The following ADPRM variants were observed in gnomAD, a reference collection of about 807,000 sequenced individuals.
The protein encoded by ADPRM is manganese-dependent ADP-ribose/CDP-alcohol diphosphatase.
A neutral mutation model predicts 27.2 loss-of-function variants in ADPRM; 17 were observed. That is an observed-to-expected ratio of 0.63 (90% confidence interval 0.43 to 0.94). The LOEUF (loss-of-function observed/expected upper bound fraction) is 0.94, where lower values mean the gene tolerates loss of function less well. ADPRM is among the 40% of genes least tolerant of loss of function. The pLI, the probability that ADPRM is intolerant of heterozygous loss-of-function variation, is 0.00. For missense variants in ADPRM, 337 were observed against 412.8 expected, an observed-to-expected ratio of 0.82 and a Z score of 1.59; for synonymous variants, 135 against 145.3, an observed-to-expected ratio of 0.93 and a Z score of 0.51.
intron 3 of ADPRM, among the ~76,000 whole-genome samples, chr17:10,708,429 C>CAAAAAAAAAAAAAAAAA (rs1206878055): frequency 9.8e-5 from 3 of 30,580 alleles, no homozygotes; most frequent in African/African-American, 5.2e-4. Flanking sequence ...AACTCCGTCT[C>CAAAAAAAAAAAAAAAAA]AAAAAAAAAA....
At position 10,699,482 on chromosome 17, in the gene ADPRM, G is replaced by A. The variant is rs2662975; in HGVS notation, c.-18+1815G>A. On this transcript the variant is annotated intron_variant, in intron 1 of 3. Coordinates refer to ENST00000379774, the MANE Select transcript of ADPRM (RefSeq NM_020233.5). ...ACCAAAGTCACCAAATGAGGTTTAT[G>A]TTTTGTTTTCCAAGTTAGATATTTT... Among the ~76,000 whole-genome samples, 1,007 of 121,456 alleles carry A rather than the reference G, an allele frequency of 8.3e-3. 22 individuals are homozygous for A. The highest frequency in any genetic ancestry group is 0.028 in the African/African-American group (947 of 33,534). 79.7% of individuals were successfully genotyped at this position (121,456 alleles called of 152,430 possible). A position where few individuals can be genotyped will look rare whatever the true frequency, so the allele number is the denominator to read the frequency against.
At chr17:10,704,814 T>C (rs1351726839) in intron 1 of ADPRM, 96 bp from the exon 2 acceptor site, 2 of 1,099,464 alleles carry the variant, frequency 1.8e-6, no homozygotes, top group African/African-American at 3.1e-5. Context: ...AGCTGCCTAA[T>C]GAATTAACCT....
At chr17:10,699,094 A>C (rs745994719) in intron 1 of ADPRM, 1 of 152,136 alleles carries the variant, frequency 6.6e-6, no homozygotes, top group Non-Finnish European at 1.5e-5. Flanking sequence ...ATATTAAATA[A>C]AATGCTATCA....
At chr17:10,707,329 G>T (rs1042286246) in intron 3 of ADPRM, among the ~76,000 whole-genome samples, 1 of 152,070 alleles carries the variant, frequency 6.6e-6, no homozygotes, top group Non-Finnish European at 1.5e-5. Flanking sequence ...AGCCAAGGTT[G>T]TGCCACTGCA....
Position 10,708,429 on chromosome 17 carries a change from C to CAAAA in ADPRM, c.718+1893_718+1896dup, listed in dbSNP as rs1206878055. Among the ~76,000 whole-genome samples, 7 of 30,568 alleles carry CAAAA rather than the reference C, an allele frequency of 2.3e-4. No homozygotes were observed. The East Asian group carries it at 2.4e-3, about 11-fold the overall frequency. 20.1% of individuals were successfully genotyped at this position (30,568 alleles called of 152,430 possible). ...GGGCAACAAGAGTGAAACTCCGTCT[C>CAAAA]AAAAAAAAAAAAAAAAAAAAACCTT... is the stretch of plus-strand genomic sequence containing the variant. On this transcript the variant is annotated intron_variant, in intron 3 of 3. Coordinates refer to ENST00000379774, the MANE Select transcript of ADPRM (RefSeq NM_020233.5).
Position 10,697,678 on chromosome 17 carries a change from C to G in ADPRM, c.-18+11C>G, listed in dbSNP as rs2074742928. 2 of 832,936 alleles carry G rather than the reference C, an allele frequency of 2.4e-6. No individual in the cohort carries two copies. Among genetic ancestry groups the G allele is most frequent in the Non-Finnish European group, 3.9e-6 (2 of 516,810 alleles). The allele number at this position is 832,936 out of a possible 1,614,324, so 51.6% of individuals were successfully genotyped here. ...AGGGGCCGGCGCACGGTAGGTAGTTCCCTGCGGCTGGAGGCGGGTCTGGCG... is the reference window on the plus strand; with the variant it reads ...AGGGGCCGGCGCACGGTAGGTAGTTGCCTGCGGCTGGAGGCGGGTCTGGCG... On this transcript the variant is annotated intron_variant, in intron 1 of 3. Transcript: ENST00000379774.
intron 1 of ADPRM, among the ~76,000 whole-genome samples, chr17:10,703,302 C>T (rs2074791256): frequency 6.6e-6 from 1 of 152,132 alleles, no homozygotes; most frequent in Non-Finnish European, 1.5e-5. Context: ...TATACACCCT[C>T]ATACATACTG....
In ADPRM at chr17:10,702,597, C is replaced by A. The variant is rs1054678767; in HGVS notation, c.-17-2313C>A. On this transcript the variant is annotated intron_variant, in intron 1 of 3. Transcript: ENST00000379774. This position sits in a 1 kb window ranked among gnomAD's most constrained non-coding sequence, Gnocchi z 4.2. ...GTTCATTTTCTCCAAAAATTGAAGC[C>A]TTAGTTTATCAGCGTTTGTAGTAGT... Among the ~76,000 whole-genome samples, 1 of 152,084 alleles carries A rather than the reference C, an allele frequency of 6.6e-6. No individual in the cohort carries two copies. Among genetic ancestry groups the A allele is most frequent in the Admixed American group, 6.5e-5 (1 of 15,284 alleles).
chr17:10,705,050 C>T lies in ADPRM; in HGVS notation c.124C>T (p.Arg42Trp), dbSNP rs151290748. The change falls in exon 2 of 4, where the codon CGG (arginine) becomes TGG (tryptophan). Residue 42 changes from arginine to tryptophan, a missense_variant. Transcript: ENST00000379774. This position sits in a 1 kb window ranked among gnomAD's most constrained non-coding sequence, Gnocchi z 5.4. ...TGGCTTTAATTTCCAAGGAACCAGG[C>T]GGCGATACTACAGACATAGTCTTCT... is the stretch of plus-strand genomic sequence containing the variant. Reference protein sequence around the residue: ...EDGFNFQGTRRRYYRHSLLHL... With the variant: ...EDGFNFQGTRWRYYRHSLLHL... 8.7e-6 allele frequency: 14 copies of T among 1,613,932 alleles called. No homozygotes were observed. The highest frequency in any genetic ancestry group is 5.3e-5 in the African/African-American group (4 of 74,878).
At chr17:10,699,294 A>C (rs2074759185) in intron 1 of ADPRM, 1 of 151,990 alleles carries the variant, frequency 6.6e-6, no homozygotes, top group African/African-American at 2.4e-5. Context: ...ATAAATATAA[A>C]ATATAGTTCC....
At position 10,710,913 on chromosome 17, in the gene ADPRM, G is replaced by C. The variant is rs1280760511; in HGVS notation, c.798G>C (p.Trp266Cys). The C allele has an allele frequency of 2.5e-6, 4 of 1,614,174 alleles. No homozygotes were observed. In the South Asian group the frequency reaches 4.4e-5, roughly 18 times the overall value. ...ACAGAGATGCCCTGGCAGTCATTTG[G>C]TCTCATGAGTGTGTGGTGTGTTTCT... ...WNYRDALAVI[W>C]SHECVVCFFA... is the part of the protein sequence containing the mutation. Residue 266 changes from tryptophan (W) to cysteine (C), a missense_variant, in exon 4 of 4, where the codon TGG (tryptophan) becomes TGC (cysteine). By Grantham distance (215) the Trp-to-Cys change is radical. Coordinates refer to ENST00000379774, the MANE Select transcript of ADPRM (RefSeq NM_020233.5).
intron 1 of ADPRM, among the ~76,000 whole-genome samples, chr17:10,699,979 C>A (rs1163949569): frequency 1.3e-5 from 2 of 152,164 alleles, no homozygotes; most frequent in Non-Finnish European, 2.9e-5. Context: ...TGTGAACTTC[C>A]CAGCACCCTA....
chr17:10,706,199 G>A (rs2074811480), intron 2 of ADPRM, among the ~76,000 whole-genome samples: 1 of 152,122 alleles, frequency 6.6e-6, no homozygotes, highest in Non-Finnish European at 1.5e-5. Flanking sequence ...GACTTAAGAA[G>A]TTTGCATTTT....
In ADPRM at chr17:10,698,963, A is replaced by G. The variant is rs144641016; in HGVS notation, c.-18+1296A>G. ...ATTATTGTTCATCTCTGATTGCCCA[A>G]TTGTAGGTTACCTGATCAGCCACCC... is the stretch of plus-strand genomic sequence containing the variant. On this transcript the variant is annotated intron_variant, in intron 1 of 3. Coordinates refer to ENST00000379774, the MANE Select transcript of ADPRM (RefSeq NM_020233.5). 3.9e-5 allele frequency: 6 copies of G among 152,336 alleles called. 1 individual carries two copies. The highest frequency in any genetic ancestry group is 4.1e-4 in the South Asian group (2 of 4,830). The allele number at this position is 152,336 out of a possible 1,614,324, so 9.4% of individuals were successfully genotyped here. A position where few individuals can be genotyped will look rare whatever the true frequency, so the allele number is the denominator to read the frequency against.
intron 3 of ADPRM, among the ~76,000 whole-genome samples, chr17:10,710,334 T>C (rs549211682): frequency 6.6e-6 from 1 of 152,336 alleles, no homozygotes; most frequent in Non-Finnish European, 1.5e-5. Context: ...ACTCCTGACC[T>C]CAGGTGATCC....
At chr17:10,697,743 G>T (rs2662936) in intron 1 of ADPRM, 76 bp downstream of exon 1, 1 of 606,584 alleles carries the variant, frequency 1.6e-6, no homozygotes, top group Non-Finnish European at 2.9e-6. Context: ...ACAGCGGAGC[G>T]CCGGGAAGGG....
At position 10,705,138 on chromosome 17, in the gene ADPRM, A is replaced by G; in HGVS notation, c.212A>G (p.Gln71Arg). 1 of 1,614,134 alleles carries G rather than the reference A, an allele frequency of 6.2e-7. No individual in the cohort carries two copies. Among genetic ancestry groups the G allele is most frequent in the Non-Finnish European group, 8.5e-7 (1 of 1,180,010 alleles). The change falls in exon 2 of 4, where the codon CAG becomes CGG. Residue 71 changes from glutamine (Q) to arginine (R), a missense_variant. Coordinates refer to ENST00000379774, the MANE Select transcript of ADPRM (RefSeq NM_020233.5). The surrounding 1 kb of genome is among the most constrained non-coding windows in gnomAD (Gnocchi z 5.4). ...NESSMPCCVL[Q>R]LGDIIDGYNA... Reference sequence around the variant, plus strand: ...AGCAGCATGCCCTGTTGTGTCCTTCAGCTTGGAGATATCATCGATGGATAT... The same window carrying G: ...AGCAGCATGCCCTGTTGTGTCCTTCGGCTTGGAGATATCATCGATGGATAT...
At position 10,702,137 on chromosome 17, in the gene ADPRM, G is replaced by T. The variant is rs1287520602; in HGVS notation, c.-17-2773G>T. ...TATATTCCAAAATCTGAAAAAGTCC[G>T]AAATCTAAAACACTTCTGGTCCCAA... On this transcript the variant is annotated intron_variant, in intron 1 of 3. Coordinates refer to ENST00000379774, the MANE Select transcript of ADPRM (RefSeq NM_020233.5). This position sits in a 1 kb window ranked among gnomAD's most constrained non-coding sequence, Gnocchi z 4.2. Among the ~76,000 whole-genome samples, 4 of 152,162 alleles carry T rather than the reference G, an allele frequency of 2.6e-5. No individual in the cohort carries two copies. The highest frequency in any genetic ancestry group is 1.3e-4 in the Admixed American group (2 of 15,274).
intron 1 of ADPRM, 175 bp downstream of exon 1, chr17:10,697,842 G>A: frequency 2.8e-6 from 1 of 362,708 alleles, no homozygotes. Context: ...GGGCTTCGGT[G>A]ACCACAGCTA....
Sources: allele counts gnomAD v4.1 joint callset (sites outside exome capture counted in the v4.1 genomes callset), GRCh38; gene constraint gnomAD v4.1.1; non-coding constraint Gnocchi (gnomAD v3.1); transcripts MANE v1.5; gene names NCBI Gene and HGNC (gene_info 2026-07-23, HGNC 2026-07-21).